SIRT1: variants seen among roughly 807,000 people sequenced by gnomAD.
SIRT1 encodes NAD-dependent protein deacetylase sirtuin-1.
In SIRT1, 24 loss-of-function variants were observed where a neutral mutation model predicts 67.9. The ratio of observed to expected loss-of-function variants is 0.35; its 90% confidence interval spans 0.26 to 0.50. The LOEUF (loss-of-function observed/expected upper bound fraction) is 0.50. Among genes scored for constraint, SIRT1 ranks in the 20% least tolerant of loss-of-function variants. SIRT1 has a pLI of 0.98. For synonymous variants in SIRT1, 378 were observed against 350.7 expected (o/e 1.08, Z -0.87); for missense variants, 873 against 937.2 (o/e 0.93, Z 0.89).
At chr10:67,907,282 G>A (rs1757095703) in intron 5 of SIRT1, among the ~76,000 whole-genome samples, 1 of 152,066 alleles carries the variant, frequency 6.6e-6, no homozygotes, top group African/African-American at 2.4e-5. Flanking sequence ...ATCCCATGAA[G>A]CCAAGAGTTC....
At position 67,908,062 on chromosome 10, in the gene SIRT1, A is replaced by G; in HGVS notation, c.1107A>G (p.Ala369=). 1 of 1,613,360 alleles carries G rather than the reference A, an allele frequency of 6.2e-7. No homozygotes were observed. Among genetic ancestry groups the G allele is most frequent in the Non-Finnish European group, 8.5e-7 (1 of 1,179,642 alleles). The change falls in exon 6 of 9, where the codon GCA becomes GCG. Residue 369 remains alanine (A), a synonymous_variant. Coordinates refer to ENST00000212015, the MANE Select transcript of SIRT1 (RefSeq NM_012238.5). The part of the protein sequence containing the change: ...IIQCHGSFAT[A]SCLICKYKVD... The stretch of plus-strand genomic sequence containing the variant: ...TGTTTTTAGGTTCCTTTGCAACAGC[A>G]TCTTGCCTGATTTGTAAATACAAAG...
intron 4 of SIRT1, chr10:67,906,431 A>G (rs1327037383): frequency 6.8e-6 from 6 of 887,112 alleles, no homozygotes; most frequent in Non-Finnish European, 9.5e-6. Flanking sequence ...ATTTTAGTTT[A>G]AACTTTCCCA....
At chr10:67,915,889 T>C (rs750169551) in intron 8 of SIRT1, among the ~76,000 whole-genome samples, 12 of 152,246 alleles carry the variant, frequency 7.9e-5, no homozygotes, top group Non-Finnish European at 1.6e-4. Flanking sequence ...ATTTATTTCA[T>C]ATTCTAGATG....
In SIRT1 at chr10:67,906,918, A is replaced by C. The variant is rs116374368; in HGVS notation, c.1071A>C (p.Gln357His). The C allele has an allele frequency of 6.2e-7, 1 of 1,607,164 alleles. No homozygotes were observed. ...CGCTGGAACAGGTTGCGGGAATCCA[A>C]AGGATAATTCAGTGTCATGGTTAGT... ...IDTLEQVAGI[Q>H]RIIQCHGSFA... Residue 357 changes from glutamine to histidine, a missense_variant, in exon 5 of 9, where the codon CAA (glutamine) becomes CAC (histidine). This residue lies in a region of SIRT1 where 251 missense variants were observed against 358.8 expected (regional missense o/e 0.70). Coordinates refer to ENST00000212015, the MANE Select transcript of SIRT1 (RefSeq NM_012238.5).
At chr10:67,907,490 C>A (rs1021727205) in intron 5 of SIRT1, among the ~76,000 whole-genome samples, 1,867 of 108,382 alleles carry the variant, frequency 0.017, no homozygotes, top group East Asian at 0.033. Context: ...GAGACTCTGT[C>A]AAAAAAAAAA....
rs372197656 is a variant in SIRT1 at position 67,907,460 on chromosome 10, G to A, written c.1090+523G>A. Among the ~76,000 whole-genome samples the A allele has an allele frequency of 1.7e-3, 237 of 138,848 alleles. 2 individuals are homozygous for A. Among genetic ancestry groups the A allele is most frequent in the African/African-American group, 6.0e-3 (219 of 36,240 alleles). The allele number at this position is 138,848 out of a possible 152,430, so 91.1% of individuals were successfully genotyped here. On this transcript the variant is annotated intron_variant, in intron 5 of 8. Coordinates refer to ENST00000212015, the MANE Select transcript of SIRT1 (RefSeq NM_012238.5). ...CAGCGAGCCAAGATTGCACCATTGC[G>A]CTCCAGCCTGGGAGACAGTGAGACT...
In SIRT1 at chr10:67,905,748, G is replaced by C. The variant is rs1842812157; in HGVS notation, c.943-1042G>C. Among the ~76,000 whole-genome samples, 4 of 152,036 alleles carry C rather than the reference G, an allele frequency of 2.6e-5. No individual in the cohort carries two copies. In the South Asian group the frequency reaches 8.3e-4, roughly 32 times the overall value. Reference sequence around the variant, plus strand: ...TGCATATAATTTCAATTTTTGCTTAGTAACAAAAACAAAAGTTACACATAC... The same window carrying C: ...TGCATATAATTTCAATTTTTGCTTACTAACAAAAACAAAAGTTACACATAC... On this transcript the variant is annotated intron_variant, in intron 4 of 8. Transcript: ENST00000212015.
chr10:67,916,698 A>C lies in SIRT1; in HGVS notation c.*105A>C. 1.2e-6 allele frequency: 1 copy of C among 857,592 alleles called. No homozygotes were observed. The highest frequency in any genetic ancestry group is 1.7e-6 in the Non-Finnish European group (1 of 573,916). The allele number at this position is 857,592 out of a possible 1,614,324, so 53.1% of individuals were successfully genotyped here. On this transcript the variant is annotated 3_prime_UTR_variant, in exon 9 of 9. Transcript: ENST00000212015. ...ACTCGATAGAGCAAGGAAACCAGAA[A>C]GGTGTAATATTTATAGGTTGGTAAA...
rs200693988 is a variant in SIRT1 at position 67,891,382 on chromosome 10, T to G, written c.790-20T>G. 6.2e-7 allele frequency: 1 copy of G among 1,611,074 alleles called. No homozygotes were observed. Among genetic ancestry groups the G allele is most frequent in the East Asian group, 2.2e-5 (1 of 44,800 alleles). On this transcript the variant is annotated intron_variant, in intron 3 of 8. Coordinates refer to ENST00000212015, the MANE Select transcript of SIRT1 (RefSeq NM_012238.5). ...AAGGTAGAAGATTTAATTTTACAAATTATGCCATGCACATTTTAGGTGTCT... is the reference window on the plus strand; with the variant it reads ...AAGGTAGAAGATTTAATTTTACAAAGTATGCCATGCACATTTTAGGTGTCT...
At chr10:67,911,222 G>A (rs760017369) in intron 7 of SIRT1, among the ~76,000 whole-genome samples, 22 of 152,292 alleles carry the variant, frequency 1.4e-4, no homozygotes, top group Non-Finnish European at 2.5e-4. Flanking sequence ...AGAGACGGGT[G>A]TCTTGCTGTA....
At position 67,918,198 on chromosome 10, in the gene SIRT1, T is replaced by C. The variant is rs1474938294; in HGVS notation, c.*1605T>C. 1 of 152,694 alleles carries C rather than the reference T, an allele frequency of 6.5e-6. No homozygotes were observed. Among genetic ancestry groups the C allele is most frequent in the South Asian group, 2.1e-4 (1 of 4,834 alleles). 9.5% of individuals were successfully genotyped at this position (152,694 alleles called of 1,614,324 possible). A position where few individuals can be genotyped will look rare whatever the true frequency, so the allele number is the denominator to read the frequency against. On this transcript the variant is annotated 3_prime_UTR_variant, in exon 9 of 9. Coordinates refer to ENST00000212015, the MANE Select transcript of SIRT1 (RefSeq NM_012238.5). ...TGAAAAGTTTGTTTTAAATTATTTTTACAGTGAAGACTGTTTTCAGCTCTT... is the reference window on the plus strand; with the variant it reads ...TGAAAAGTTTGTTTTAAATTATTTTCACAGTGAAGACTGTTTTCAGCTCTT...
At chr10:67,886,401 T>TG (rs966804368) in intron 1 of SIRT1, among the ~76,000 whole-genome samples, 4 of 151,902 alleles carry the variant, frequency 2.6e-5, no homozygotes, top group Non-Finnish European at 5.9e-5. Flanking sequence ...CAGGCCAGCC[T>TG]GGGCAACATA....
chr10:67,906,082 T>A, intron 4 of SIRT1: 1 of 1,185,862 alleles, frequency 8.4e-7, no homozygotes, highest in East Asian at 3.1e-5. Flanking sequence ...AAAAACACTG[T>A]CAAAAGTTGG....
intron 8 of SIRT1, among the ~76,000 whole-genome samples, chr10:67,913,487 C>T (rs1442367468): frequency 6.6e-6 from 1 of 152,172 alleles, no homozygotes; most frequent in East Asian, 1.9e-4. Context: ...AGAGCCTGCC[C>T]CCTTAACTAC....
chr10:67,917,719 GAACATGATGATGT>G lies in SIRT1; in HGVS notation c.*1130_*1142del, dbSNP rs1471516600. 1 of 152,588 alleles carries G rather than the reference GAACATGATGATGT, an allele frequency of 6.6e-6. No individual in the cohort carries two copies. Among genetic ancestry groups the G allele is most frequent in the African/African-American group, 2.4e-5 (1 of 41,438 alleles). The allele number at this position is 152,588 out of a possible 1,614,324, so 9.5% of individuals were successfully genotyped here. ...CTGCTAGCCCTAGTATTATGGAGAT[GAACATGATGATGT>G]AACTTGTAATAGCAGAATAGTTAAT... On this transcript the variant is annotated 3_prime_UTR_variant, in exon 9 of 9. Coordinates refer to ENST00000212015, the MANE Select transcript of SIRT1 (RefSeq NM_012238.5).
intron 2 of SIRT1, among the ~76,000 whole-genome samples, chr10:67,887,864 C>T (rs1842510407): frequency 6.6e-6 from 1 of 152,250 alleles, no homozygotes; most frequent in South Asian, 2.1e-4. Context: ...GCATGTGCCA[C>T]CTTGCCCCAC....
chr10:67,898,902 A>G (rs886887899), intron 4 of SIRT1, among the ~76,000 whole-genome samples: 14 of 152,148 alleles, frequency 9.2e-5, no homozygotes, highest in Admixed American at 2.0e-4. Context: ...AATATAATAA[A>G]CTTACTTTCT....
chr10:67,901,413 A>G (rs1842743152), intron 4 of SIRT1, among the ~76,000 whole-genome samples: 1 of 152,152 alleles, frequency 6.6e-6, no homozygotes, highest in Non-Finnish European at 1.5e-5. Flanking sequence ...CCAAAATGGC[A>G]AGTTAGGTTT....
intron 4 of SIRT1, 65 bp downstream of exon 4, chr10:67,891,619 C>T (rs1021734816): frequency 2.0e-6 from 3 of 1,512,348 alleles, no homozygotes; most frequent in Non-Finnish European, 2.7e-6. Context: ...TGTTCACATA[C>T]AGCCACCTTA....
Sources: allele counts gnomAD v4.1 joint callset (sites outside exome capture counted in the v4.1 genomes callset), GRCh38; gene constraint gnomAD v4.1.1; regional missense constraint gnomAD v4.1.1; transcripts MANE v1.5; gene names NCBI Gene and HGNC (gene_info 2026-07-23, HGNC 2026-07-21).